The following TMEM67 variants were observed in gnomAD, a reference collection of about 807,000 sequenced individuals.
The protein encoded by TMEM67 is meckelin.
Under a neutral mutation model 136.6 loss-of-function variants are expected in TMEM67, and 124 were observed. The ratio of observed to expected loss-of-function variants is 0.91; its 90% CI spans 0.78 to 1.05. The LOEUF is 1.05. Ranked by LOEUF, TMEM67 falls within the 50% of genes least tolerant of loss-of-function variation. The pLI is 0.00. For synonymous variants in TMEM67, 364 were observed against 390.5 expected (o/e 0.93, Z 0.80); for missense variants, 1,107 against 1,178.4 (o/e 0.94, Z 0.89).
chr8:93,758,846 G>A (rs1294612518), intron 3 of TMEM67: 1 of 384,726 alleles, frequency 2.6e-6, no homozygotes, highest in Non-Finnish European at 4.8e-6. Flanking sequence ...AGATCTTCCT[G>A]CCTCAGCCTC....
chr8:93,790,522 A>G (rs142635059), intron 14 of TMEM67, among the ~76,000 whole-genome samples: 9 of 152,310 alleles, frequency 5.9e-5, no homozygotes, highest in African/African-American at 1.9e-4. Context: ...TAAAACAACC[A>G]ACTAAACAAA....
At position 93,791,285 on chromosome 8, in the gene TMEM67, A is replaced by T; in HGVS notation, c.1541A>T (p.Glu514Val). The T allele has an allele frequency of 6.2e-7, 1 of 1,607,368 alleles. No homozygotes were observed. Among genetic ancestry groups the T allele is most frequent in the Non-Finnish European group, 8.5e-7 (1 of 1,174,358 alleles). ...SVKVSFSVTYEMDHGEAHVQT... is the reference protein window; with the variant it reads ...SVKVSFSVTYVMDHGEAHVQT... Reference sequence around the variant, plus strand: ...CAGGTTTCTTTCTCAGTCACATATGAAATGGATCATGGAGAAGCACATGTC... The same window carrying T: ...CAGGTTTCTTTCTCAGTCACATATGTAATGGATCATGGAGAAGCACATGTC... The change falls in exon 15 of 28, where the codon GAA becomes GTA. Residue 514 changes from glutamate to valine, a missense_variant. Around this residue, in one of 3 missense-constraint regions of TMEM67, gnomAD observed 925 missense variants for 1,002.4 expected, o/e 0.92. Coordinates refer to ENST00000453321, the MANE Select transcript of TMEM67 (RefSeq NM_153704.6).
Position 93,763,906 on chromosome 8 carries a change from A to G in TMEM67, c.471A>G (p.Glu157=), listed in dbSNP as rs1812962110. 2 of 1,613,862 alleles carry G rather than the reference A, an allele frequency of 1.2e-6. No individual in the cohort carries two copies. The highest frequency in any genetic ancestry group is 1.7e-6 in the Non-Finnish European group (2 of 1,179,804). The change falls in exon 4 of 28, where the codon GAA becomes GAG. Residue 157 remains glutamate, a synonymous_variant. Coordinates refer to ENST00000453321, the MANE Select transcript of TMEM67 (RefSeq NM_153704.6). ...CTTGTGAGCTCTGTGATGGAAATGAAAACTCTTTTATGGTAGTAAATGCTT... is the reference window on the plus strand; with the variant it reads ...CTTGTGAGCTCTGTGATGGAAATGAGAACTCTTTTATGGTAGTAAATGCTT... ...QATCELCDGN[E]NSFMVVNALG...
At chr8:93,829,382 C>CTCTG in the TMEM67 span, among the ~76,000 whole-genome samples, 14 of 137,596 alleles carry the variant, frequency 1.0e-4, no homozygotes, top group East Asian at 2.1e-4. Context: ...CTCTCTCTCT[C>CTCTG]TGTGTGTGTG....
chr8:93,760,009 G>A, intron 3 of TMEM67: 1 of 1,465,724 alleles, frequency 6.8e-7, no homozygotes, highest in Non-Finnish European at 9.1e-7. Context: ...TATTACTGAG[G>A]GATATGAAGG....
At chr8:93,764,795 C>T (rs748713925) in intron 4 of TMEM67, among the ~76,000 whole-genome samples, 27 of 152,028 alleles carry the variant, frequency 1.8e-4, no homozygotes, top group Non-Finnish European at 3.8e-4. Flanking sequence ...TATGTCATGC[C>T]CCAGCCCGAC....
intron 3 of TMEM67, among the ~76,000 whole-genome samples, chr8:93,762,643 TG>T (rs557876001): frequency 6.6e-6 from 1 of 152,098 alleles, no homozygotes; most frequent in African/African-American, 2.4e-5. Flanking sequence ...TCACGGTATT[TG>T]GGGGGTGTAT....
intron 6 of TMEM67, among the ~76,000 whole-genome samples, chr8:93,769,955 G>C (rs1021141883): frequency 6.6e-6 from 1 of 152,058 alleles, no homozygotes; most frequent in Non-Finnish European, 1.5e-5. Flanking sequence ...TTATAACAAG[G>C]CATCCAATCC....
chr8:93,819,106 A>G (rs1809000480), downstream of TMEM67: 1 of 453,272 alleles, frequency 2.2e-6, no homozygotes, highest in Non-Finnish European at 4.4e-6. Context: ...CATGGCCAGG[A>G]TTAGTTTCTT....
At chr8:93,755,753 T>TTTC (rs1482369325) in intron 1 of TMEM67, 25 bp from the exon 2 acceptor site, 6 of 641,736 alleles carry the variant, frequency 9.3e-6, no homozygotes, top group Non-Finnish European at 1.3e-5. Flanking sequence ...AAAATTGGCT[T>TTTC]TTTTTTTTTT....
chr8:93,763,802 A>T, intron 3 of TMEM67, 40 bp from the exon 4 acceptor site: 1 of 1,327,524 alleles, frequency 7.5e-7, no homozygotes, highest in Non-Finnish European at 1.1e-6. Flanking sequence ...TTATATGTTT[A>T]CTATGAGTTA....
chr8:93,825,858 C>T, the TMEM67 span, among the ~76,000 whole-genome samples: 2 of 152,184 alleles, frequency 1.3e-5, no homozygotes, highest in Non-Finnish European at 2.9e-5. Context: ...ATGGATTGCA[C>T]CATCCTTTCC....
In TMEM67 at chr8:93,789,670, A is replaced by AT. The variant is rs144356440; in HGVS notation, c.1519-1583dup. Among the ~76,000 whole-genome samples the AT allele has an allele frequency of 3.8e-4, 53 of 138,168 alleles. 1 individual carries two copies. The highest frequency in any genetic ancestry group is 9.9e-4 in the Admixed American group (14 of 14,072). 90.6% of individuals were successfully genotyped at this position (138,168 alleles called of 152,430 possible). On this transcript the variant is annotated intron_variant, in intron 14 of 27. Coordinates refer to ENST00000453321, the MANE Select transcript of TMEM67 (RefSeq NM_153704.6). ...CAAAAAAATATATATATATATATAT[A>AT]TTTTTTTTTTAATGTAAAACACTTC...
the TMEM67 span, among the ~76,000 whole-genome samples, chr8:93,829,008 CATT>C: frequency 3.9e-5 from 6 of 152,114 alleles, no homozygotes; most frequent in South Asian, 1.2e-3. Context: ...ATTTTATAGA[CATT>C]ATGAAATAAT....
chr8:93,802,170 C>T (rs574094005), intron 21 of TMEM67, among the ~76,000 whole-genome samples: 10 of 152,302 alleles, frequency 6.6e-5, no homozygotes, highest in African/African-American at 2.4e-4. Flanking sequence ...GTGCTACTGT[C>T]AGGACCCAGA....
intron 20 of TMEM67, among the ~76,000 whole-genome samples, chr8:93,798,263 T>C (rs1013922467): frequency 6.6e-6 from 1 of 152,186 alleles, no homozygotes; most frequent in Non-Finnish European, 1.5e-5. Context: ...ATACCTATGC[T>C]CAGGCTCACC....
At chr8:93,771,403 C>T (rs77908100) in intron 6 of TMEM67, among the ~76,000 whole-genome samples, 4 of 152,142 alleles carry the variant, frequency 2.6e-5, no homozygotes, top group African/African-American at 7.2e-5. Context: ...GTTGTTTTGA[C>T]GTGACTTTAG....
chr8:93,784,299 T>C (rs951803442), intron 11 of TMEM67, among the ~76,000 whole-genome samples: 3 of 152,212 alleles, frequency 2.0e-5, no homozygotes, highest in Non-Finnish European at 4.4e-5. Context: ...CATTTTATCG[T>C]TATTATCCCA....
chr8:93,802,261 G>A lies in TMEM67; in HGVS notation c.2242-1343G>A, dbSNP rs562966171. ...TCCATAATAGCCAATGAAGTTACAG[G>A]AGGGAATTGAAGTAGGTAAGCTCAC... is the stretch of plus-strand genomic sequence containing the variant. On this transcript the variant is annotated intron_variant, in intron 21 of 27. Transcript: ENST00000453321. Among the ~76,000 whole-genome samples the A allele has an allele frequency of 8.5e-5, 13 of 152,288 alleles. No individual in the cohort carries two copies. The East Asian group carries it at 9.7e-4, about 11-fold the overall frequency.
Sources: gnomAD v4.1 joint callset for allele counts (sites outside exome capture counted in the v4.1 genomes callset) on GRCh38, gnomAD v4.1.1 for gene constraint, gnomAD v4.1.1 regional missense constraint, MANE v1.5 for transcripts, NCBI Gene and HGNC (gene_info 2026-07-23, HGNC 2026-07-21) for gene names.